The following LMBRD1 variants were observed in gnomAD, a reference collection of about 807,000 sequenced individuals.
LMBRD1 encodes the protein LMBR1 domain containing 1.
A neutral mutation model predicts 74.8 loss-of-function variants in LMBRD1; 64 were observed. The ratio of observed to expected loss-of-function variants is 0.86; its 90% CI spans 0.70 to 1.05. The LOEUF is 1.05. Ranked by LOEUF, LMBRD1 falls within the 50% of genes least tolerant of loss-of-function variation. LMBRD1 has a pLI of 0.00. For missense variants in LMBRD1, 652 were observed against 645.9 expected, an observed-to-expected ratio of 1.01 and a Z score of -0.10; for synonymous variants, 204 against 216.3, an observed-to-expected ratio of 0.94 and a Z score of 0.50.
Position 69,726,698 on chromosome 6 carries a change from CAG to C in LMBRD1, c.637-7619_637-7618del, listed in dbSNP as rs563888955. On this transcript the variant is annotated intron_variant, in intron 7 of 15. Coordinates refer to ENST00000649934, the MANE Select transcript of LMBRD1 (RefSeq NM_018368.4). ...ATCAAAACAATTGAACTCGTGGAAA[CAG>C]AGAATTGAAGGATGGTTACTAGAGG... Among the ~76,000 whole-genome samples the C allele has an allele frequency of 2.0e-3, 296 of 146,618 alleles. 1 individual carries two copies. Among genetic ancestry groups the C allele is most frequent in the African/African-American group, 7.3e-3 (287 of 39,466 alleles).
At chr6:69,719,312 A>T (rs1253955979) in intron 7 of LMBRD1, among the ~76,000 whole-genome samples, 1 of 152,128 alleles carries the variant, frequency 6.6e-6, no homozygotes, top group African/African-American at 2.4e-5. Flanking sequence ...TTAAGTTGCA[A>T]ATTTACTGTA....
chr6:69,768,427 T>C (rs981477210), intron 3 of LMBRD1, among the ~76,000 whole-genome samples: 3 of 151,734 alleles, frequency 2.0e-5, no homozygotes, highest in African/African-American at 7.3e-5. Flanking sequence ...TTACCTTCAA[T>C]TAATATTCAC....
chr6:69,777,994 G>A (rs1765742532), intron 3 of LMBRD1, among the ~76,000 whole-genome samples: 1 of 152,224 alleles, frequency 6.6e-6, no homozygotes, highest in Non-Finnish European at 1.5e-5. Context: ...CGAAGCTACG[G>A]AATCCTTTCA....
At chr6:69,772,141 G>A (rs371014842) in intron 3 of LMBRD1, among the ~76,000 whole-genome samples, 47 of 152,268 alleles carry the variant, frequency 3.1e-4, no homozygotes, top group African/African-American at 1.1e-3. Context: ...GTAACGGTTG[G>A]ACATAGGATT....
At chr6:69,752,441 T>C (rs1765179405) in intron 3 of LMBRD1, 85 bp from the exon 4 acceptor site, 1 of 1,125,508 alleles carries the variant, frequency 8.9e-7, no homozygotes. Context: ...ATATATTCAC[T>C]TAACAAATTC....
chr6:69,736,165 A>G (rs369043224), intron 7 of LMBRD1, among the ~76,000 whole-genome samples: 1 of 152,124 alleles, frequency 6.6e-6, no homozygotes, highest in Admixed American at 6.5e-5. Context: ...TCATTTCTGC[A>G]TATTTTGCAA....
intron 14 of LMBRD1, 85 bp from the exon 15 acceptor site, chr6:69,676,626 A>G: frequency 9.5e-7 from 1 of 1,058,134 alleles, no homozygotes; most frequent in Non-Finnish European, 1.4e-6. Flanking sequence ...ATTATTAACC[A>G]AAGCTAATGA....
intron 14 of LMBRD1, among the ~76,000 whole-genome samples, chr6:69,694,800 T>C (rs895863360): frequency 5.9e-5 from 9 of 152,150 alleles, no homozygotes; most frequent in African/African-American, 2.2e-4. Flanking sequence ...TCAATAAAAA[T>C]ATAAAATTGG....
At chr6:69,685,282 T>C (rs767295798) in intron 14 of LMBRD1, among the ~76,000 whole-genome samples, 1 of 152,080 alleles carries the variant, frequency 6.6e-6, no homozygotes, top group Non-Finnish European at 1.5e-5. Context: ...CAAAGGTAGA[T>C]AAGAATCTGG....
At chr6:69,682,099 C>T (rs1047967155) in intron 14 of LMBRD1, among the ~76,000 whole-genome samples, 32 of 151,204 alleles carry the variant, frequency 2.1e-4, no homozygotes, top group African/African-American at 3.2e-4. Context: ...AAAAAGATTT[C>T]GGAAACTAAT....
At chr6:69,712,432 G>C (rs1266810395) in intron 9 of LMBRD1, among the ~76,000 whole-genome samples, 3 of 107,138 alleles carry the variant, frequency 2.8e-5, no homozygotes, top group South Asian at 6.5e-4. Context: ...TACTGTCAGA[G>C]TTCCTATGTT....
intron 2 of LMBRD1, among the ~76,000 whole-genome samples, chr6:69,789,896 A>G (rs917122108): frequency 2.0e-5 from 3 of 152,252 alleles, no homozygotes; most frequent in Non-Finnish European, 4.4e-5. Context: ...CTCAGATCTT[A>G]TAATTCCCAG....
chr6:69,680,084 T>A (rs1419867569), intron 14 of LMBRD1, among the ~76,000 whole-genome samples: 2 of 152,058 alleles, frequency 1.3e-5, no homozygotes, highest in South Asian at 4.1e-4. Flanking sequence ...TTGGCAAAAT[T>A]CAAATTTGTA....
At chr6:69,781,878 T>TA (rs141966049) in intron 2 of LMBRD1, among the ~76,000 whole-genome samples, 2,467 of 152,202 alleles carry the variant, frequency 0.016, 54 homozygotes, top group African/African-American at 0.056. Flanking sequence ...TGCTAGGAGG[T>TA]AGAGTATATT....
intron 3 of LMBRD1, among the ~76,000 whole-genome samples, chr6:69,775,136 A>C (rs1230585848): frequency 6.6e-6 from 1 of 152,154 alleles, no homozygotes; most frequent in Non-Finnish European, 1.5e-5. Context: ...CAGATGAGGG[A>C]GTCACCTGAT....
intron 3 of LMBRD1, among the ~76,000 whole-genome samples, chr6:69,773,297 C>G (rs1356889239): frequency 6.6e-6 from 1 of 152,106 alleles, no homozygotes; most frequent in Admixed American, 6.6e-5. Context: ...AAGGCCCTTA[C>G]CAAATGCCAG....
chr6:69,683,287 A>G (rs1476303966), intron 14 of LMBRD1, among the ~76,000 whole-genome samples: 3 of 152,012 alleles, frequency 2.0e-5, no homozygotes, highest in Non-Finnish European at 1.5e-5. Flanking sequence ...CCCTCTTTCT[A>G]ACTTCATGTT....
Position 69,676,263 on chromosome 6 carries a change from C to A in LMBRD1, c.1518G>T (p.Leu506Phe), listed in dbSNP as rs1315590456. 6.2e-7 allele frequency: 1 copy of A among 1,612,586 alleles called. No homozygotes were observed. Among genetic ancestry groups the A allele is most frequent in the East Asian group, 2.2e-5 (1 of 44,736 alleles). ...TACAACAGGATACAATTAATCCAATCAAAAATACCTGTAAATTTAAATAAG... is the reference window on the plus strand; with the variant it reads ...TACAACAGGATACAATTAATCCAATAAAAAATACCTGTAAATTTAAATAAG... Reference protein sequence around the residue: ...FGNWAFLGVFLIGLIVSCCKG... With the variant: ...FGNWAFLGVFFIGLIVSCCKG... Residue 506 changes from leucine (L) to phenylalanine (F), a missense_variant, in exon 16 of 16, where the codon TTG becomes TTT. Physicochemically the swap from Leu to Phe is conservative, Grantham distance 22. Around this residue, in one of 3 missense-constraint regions of LMBRD1, gnomAD observed 51 missense variants for 46.9 expected, o/e 1.09. Transcript: ENST00000649934.
intron 3 of LMBRD1, among the ~76,000 whole-genome samples, chr6:69,766,770 A>G (rs537182956): frequency 4.5e-4 from 68 of 151,660 alleles, no homozygotes; most frequent in Non-Finnish European, 8.0e-4. Flanking sequence ...TTTCTTATTT[A>G]AATATATAAT....
Sources: allele counts gnomAD v4.1 joint callset (sites outside exome capture counted in the v4.1 genomes callset), GRCh38; gene constraint gnomAD v4.1.1; regional missense constraint gnomAD v4.1.1; transcripts MANE v1.5; gene names NCBI Gene and HGNC (gene_info 2026-07-23, HGNC 2026-07-21).